Variants in PDSS2 observed in about 807,000 individuals in gnomAD.
The protein encoded by PDSS2 is all trans-polyprenyl-diphosphate synthase PDSS2.
Under a neutral mutation model 44.5 loss-of-function variants are expected in PDSS2, and 31 were observed. That is an observed-to-expected ratio of 0.70 (90% CI 0.52 to 0.94). The LOEUF is 0.94. Among genes scored for constraint, PDSS2 ranks in the 40% least tolerant of loss-of-function variants. The pLI is 0.00. For synonymous variants in PDSS2, 157 were observed against 180.3 expected (o/e 0.87, Z 1.03); for missense variants, 452 against 482.2 (o/e 0.94, Z 0.59).
chr6:107,345,532 G>A (rs934591925), intron 1 of PDSS2, among the ~76,000 whole-genome samples: 4 of 151,498 alleles, frequency 2.6e-5, no homozygotes, highest in Admixed American at 2.0e-4. Context: ...ATTATGAAGA[G>A]GCTAAAGCCA....
In PDSS2 at chr6:107,225,137, T is replaced by TA. The variant is rs1446558243; in HGVS notation, c.703-12856_703-12855insT. 8.1e-3 allele frequency among the ~76,000 whole-genome samples: 505 copies of TA among 62,314 alleles called. 63 individuals carry two copies. The highest frequency in any genetic ancestry group is 0.017 in the African/African-American group (179 of 10,356). The allele number at this position is 62,314 out of a possible 152,430, so 40.9% of individuals were successfully genotyped here. A position where few individuals can be genotyped will look rare whatever the true frequency, so the allele number is the denominator to read the frequency against. On this transcript the variant is annotated intron_variant, in intron 4 of 7. Coordinates refer to ENST00000369037, the MANE Select transcript of PDSS2 (RefSeq NM_020381.4). ...AGGAAGCTTCACTATATATATATTT[T>TA]TATATATATATATATATATATATAT...
At chr6:107,231,093 G>A (rs955442981) in intron 4 of PDSS2, among the ~76,000 whole-genome samples, 1 of 151,942 alleles carries the variant, frequency 6.6e-6, no homozygotes, top group African/African-American at 2.4e-5. Flanking sequence ...GGCTAAACTG[G>A]GCTGTTTTAG....
intron 1 of PDSS2, among the ~76,000 whole-genome samples, chr6:107,428,938 C>T (rs1037931228): frequency 1.3e-5 from 2 of 152,172 alleles, no homozygotes; most frequent in African/African-American, 4.8e-5. Flanking sequence ...CCAGTTCATC[C>T]ATGAAGCAGC....
At chr6:107,250,524 A>C (rs1213672734) in intron 3 of PDSS2, among the ~76,000 whole-genome samples, 1 of 152,226 alleles carries the variant, frequency 6.6e-6, no homozygotes, top group Non-Finnish European at 1.5e-5. Flanking sequence ...TAATTAAATA[A>C]AACAATAAAC....
chr6:107,420,438 T>A (rs767820790), intron 1 of PDSS2, among the ~76,000 whole-genome samples: 10 of 152,172 alleles, frequency 6.6e-5, no homozygotes, highest in Non-Finnish European at 1.3e-4. Flanking sequence ...TCTCACTACA[T>A]CGCTATCATA....
At chr6:107,206,463 T>C (rs967348473) in intron 6 of PDSS2, among the ~76,000 whole-genome samples, 4 of 152,190 alleles carry the variant, frequency 2.6e-5, no homozygotes, top group African/African-American at 7.2e-5. Flanking sequence ...AAAGGGACTT[T>C]GGAAAAGATC....
Position 107,459,357 on chromosome 6 carries a change from G to T in PDSS2, c.-72C>A. 1 of 1,308,396 alleles carries T rather than the reference G, an allele frequency of 7.6e-7. No homozygotes were observed. Among genetic ancestry groups the T allele is most frequent in the Non-Finnish European group, 1.1e-6 (1 of 912,606 alleles). The allele number at this position is 1,308,396 out of a possible 1,614,324, so 81.0% of individuals were successfully genotyped here. A position where few individuals can be genotyped will look rare whatever the true frequency, so the allele number is the denominator to read the frequency against. On this transcript the variant is annotated 5_prime_UTR_variant, in exon 1 of 8. Coordinates refer to ENST00000369037, the MANE Select transcript of PDSS2 (RefSeq NM_020381.4). The surrounding 1 kb of genome is among the most constrained non-coding windows in gnomAD (Gnocchi z 4.3). ...CGCGGGAAACAAACCAGGGGCAGAG[G>T]AGGAACTTACAGTAACTAAAAGGAA...
At chr6:107,228,414 C>T (rs1290578308) in intron 4 of PDSS2, among the ~76,000 whole-genome samples, 1 of 152,234 alleles carries the variant, frequency 6.6e-6, no homozygotes, top group Middle Eastern at 3.4e-3. Context: ...GTTTGCTAGG[C>T]CAGGCGCGGC....
intron 1 of PDSS2, among the ~76,000 whole-genome samples, chr6:107,458,428 AAAAAC>A (rs1562555818): frequency 1.4e-5 from 2 of 142,760 alleles, no homozygotes; most frequent in South Asian, 4.5e-4. Context: ...AAAAAAAAAA[AAAAAC>A]TTTTATAAAT....
chr6:107,368,256 A>T (rs1779021934), intron 1 of PDSS2, among the ~76,000 whole-genome samples: 1 of 148,782 alleles, frequency 6.7e-6, no homozygotes, highest in Non-Finnish European at 1.5e-5. Flanking sequence ...TGACAGAGCG[A>T]GACTCGTCTC....
chr6:107,425,077 G>A (rs1780949941), intron 1 of PDSS2, among the ~76,000 whole-genome samples: 1 of 152,140 alleles, frequency 6.6e-6, no homozygotes, highest in Non-Finnish European at 1.5e-5. Context: ...CACCATCCAT[G>A]TACGATGTGC....
chr6:107,458,602 GAGGTGACCCCCTGA>G (rs1249443104), intron 1 of PDSS2, among the ~76,000 whole-genome samples: 1 of 151,086 alleles, frequency 6.6e-6, no homozygotes, highest in Non-Finnish European at 1.5e-5. Flanking sequence ...CTACTTTCTG[GAGGTGACCCCCTGA>G]ACAGTGCGGG....
At chr6:107,422,646 AT>A (rs1780863197) in intron 1 of PDSS2, among the ~76,000 whole-genome samples, 1 of 152,084 alleles carries the variant, frequency 6.6e-6, no homozygotes, top group Non-Finnish European at 1.5e-5. Flanking sequence ...AATTATGTTT[AT>A]TAATTTTAAA....
At chr6:107,453,332 AG>A (rs1190406976) in intron 1 of PDSS2, among the ~76,000 whole-genome samples, 1 of 152,162 alleles carries the variant, frequency 6.6e-6, no homozygotes, top group Non-Finnish European at 1.5e-5. Flanking sequence ...ATCCATTTTA[AG>A]TGGACATTGA....
intron 1 of PDSS2, among the ~76,000 whole-genome samples, chr6:107,442,356 G>A (rs551145646): frequency 5.3e-5 from 8 of 152,274 alleles, no homozygotes; most frequent in East Asian, 1.9e-4. Flanking sequence ...GGCAGAGGTC[G>A]CACTGAGCTG....
chr6:107,236,718 T>C (rs1774237615), intron 4 of PDSS2, among the ~76,000 whole-genome samples: 1 of 152,198 alleles, frequency 6.6e-6, no homozygotes, highest in Non-Finnish European at 1.5e-5. Context: ...TACATCTCCA[T>C]CTATAGACAT....
chr6:107,329,978 G>A (rs1292329127), intron 2 of PDSS2, among the ~76,000 whole-genome samples: 1 of 149,396 alleles, frequency 6.7e-6, no homozygotes, highest in Non-Finnish European at 1.5e-5. Flanking sequence ...TCCAGCCTAG[G>A]TGATAGAGCG....
chr6:107,300,892 A>AC (rs910372065), intron 2 of PDSS2, among the ~76,000 whole-genome samples: 1 of 151,656 alleles, frequency 6.6e-6, no homozygotes, highest in South Asian at 2.1e-4. Flanking sequence ...TTATTCATTA[A>AC]CCCCCCCAAC....
chr6:107,319,852 A>G (rs2115165737), intron 2 of PDSS2, among the ~76,000 whole-genome samples: 1 of 152,300 alleles, frequency 6.6e-6, no homozygotes. Flanking sequence ...CTGATTTTTC[A>G]GCTTACTGTT....
Sources: allele counts gnomAD v4.1 joint callset (sites outside exome capture counted in the v4.1 genomes callset), GRCh38; gene constraint gnomAD v4.1.1; non-coding constraint Gnocchi (gnomAD v3.1); transcripts MANE v1.5; gene names NCBI Gene and HGNC (gene_info 2026-07-23, HGNC 2026-07-21).